The following PPIL4 variants were observed in gnomAD, a reference collection of about 807,000 sequenced individuals.
PPIL4 encodes the protein peptidyl-prolyl cis-trans isomerase-like 4.
Under a neutral mutation model 69.1 loss-of-function variants are expected in PPIL4, and 50 were observed. That is an observed-to-expected ratio of 0.72 (90% confidence interval 0.58 to 0.92). The LOEUF (loss-of-function observed/expected upper bound fraction) is 0.92, where lower values mean the gene tolerates loss of function less well. Among genes scored for constraint, PPIL4 ranks in the 40% least tolerant of loss-of-function variants. PPIL4 has a pLI of 0.00. For synonymous variants in PPIL4, 193 were observed against 191.6 expected (o/e 1.01, Z -0.06); for missense variants, 480 against 587.9 (o/e 0.82, Z 1.90).
chr6:149,523,996 C>T (rs1777070028), intron 9 of PPIL4, among the ~76,000 whole-genome samples: 1 of 152,140 alleles, frequency 6.6e-6, no homozygotes, highest in South Asian at 2.1e-4. Flanking sequence ...CATCTTGTAT[C>T]CCTAGGCCTT....
intron 12 of PPIL4, among the ~76,000 whole-genome samples, chr6:149,510,878 T>C (rs1453321564): frequency 6.6e-6 from 1 of 151,704 alleles, no homozygotes; most frequent in Non-Finnish European, 1.5e-5. Flanking sequence ...GTAGTAACAA[T>C]AATAACCAGT....
intron 1 of PPIL4, 102 bp from the exon 2 acceptor site, chr6:149,541,688 A>G: frequency 1.5e-6 from 1 of 645,736 alleles, no homozygotes; most frequent in Non-Finnish European, 2.7e-6. Flanking sequence ...CTATTAAAAG[A>G]AAAAAAAAGT....
intron 7 of PPIL4, among the ~76,000 whole-genome samples, chr6:149,529,362 G>T (rs1777155903): frequency 6.6e-6 from 1 of 152,042 alleles, no homozygotes; most frequent in Admixed American, 6.6e-5. Flanking sequence ...TGAGGCTGAG[G>T]TAGGAGGATT....
intron 12 of PPIL4, among the ~76,000 whole-genome samples, chr6:149,508,690 A>T (rs1256295404): frequency 6.6e-6 from 1 of 152,220 alleles, no homozygotes; most frequent in African/African-American, 2.4e-5. Flanking sequence ...AATACTTCTC[A>T]GCAAGGCAAC....
chr6:149,511,688 C>G (rs1776845647), intron 12 of PPIL4, among the ~76,000 whole-genome samples: 1 of 151,998 alleles, frequency 6.6e-6, no homozygotes, highest in African/African-American at 2.4e-5. Flanking sequence ...ATGTGCTGTT[C>G]AGGAGAGCTT....
At position 149,526,634 on chromosome 6, in the gene PPIL4, A is replaced by T; in HGVS notation, c.803+18T>A. On this transcript the variant is annotated intron_variant, in intron 8 of 12. Coordinates refer to ENST00000253329, the MANE Select transcript of PPIL4 (RefSeq NM_139126.4). ...CCTAGTTTTTCTAAATATCTCTTTCACTAATTCTAAGGATTACCTTCTTAT... is the reference window on the plus strand; with the variant it reads ...CCTAGTTTTTCTAAATATCTCTTTCTCTAATTCTAAGGATTACCTTCTTAT... The T allele has an allele frequency of 6.3e-7, 1 of 1,591,902 alleles. No homozygotes were observed. The highest frequency in any genetic ancestry group is 1.1e-5 in the South Asian group (1 of 87,906).
At chr6:149,531,477 A>G (rs1375387791) in intron 7 of PPIL4, among the ~76,000 whole-genome samples, 2 of 150,796 alleles carry the variant, frequency 1.3e-5, no homozygotes, top group African/African-American at 4.9e-5. Context: ...TGGAGGTTGC[A>G]GTGAGCCGAG....
At chr6:149,538,849 C>T (rs1283086026) in intron 4 of PPIL4, among the ~76,000 whole-genome samples, 1 of 151,694 alleles carries the variant, frequency 6.6e-6, no homozygotes, top group East Asian at 1.9e-4. Context: ...TGGTTTTCTT[C>T]CTTTTTTTTT....
At chr6:149,509,087 A>C (rs1412109543) in intron 12 of PPIL4, among the ~76,000 whole-genome samples, 2 of 152,224 alleles carry the variant, frequency 1.3e-5, no homozygotes, top group Non-Finnish European at 2.9e-5. Context: ...TCATTAAATC[A>C]AAGTACAAAA....
At chr6:149,519,359 A>G (rs1776994745) in intron 10 of PPIL4, among the ~76,000 whole-genome samples, 1 of 152,212 alleles carries the variant, frequency 6.6e-6, no homozygotes, top group Non-Finnish European at 1.5e-5. Flanking sequence ...GCAGAGCTCT[A>G]CATAAGAGCC....
chr6:149,529,856 C>A lies in PPIL4; in HGVS notation c.679-3080G>T, dbSNP rs543991282. ...AAGAAAGAAAAAAGGCACAGTGGAA[C>A]CTTAAATGTATATTGCTAAGTGAAA... On this transcript the variant is annotated intron_variant, in intron 7 of 12. Transcript: ENST00000253329. Among the ~76,000 whole-genome samples, 12 of 151,044 alleles carry A rather than the reference C, an allele frequency of 7.9e-5. No homozygotes were observed. The South Asian group carries it at 2.5e-3, about 32-fold the overall frequency.
chr6:149,525,250 AG>A, intron 8 of PPIL4, 41 bp from the exon 9 acceptor site: 14 of 1,052,914 alleles, frequency 1.3e-5, no homozygotes, highest in South Asian at 4.3e-5. Flanking sequence ...AAAAAAAAAA[AG>A]GAAGAAAGCA....
Position 149,525,164 on chromosome 6 carries a change from G to A in PPIL4, c.849C>T (p.Tyr283=), listed in dbSNP as rs201890339. ...RDWKTGESLC[Y]AFIEFEKEED... The stretch of plus-strand genomic sequence containing the variant: ...ATACCTTTTCAAATTCAATAAAAGC[G>A]TAACAGAGGGACTCTCCTGTCTTCC... The change falls in exon 9 of 13, where the codon TAC becomes TAT. Residue 283 remains tyrosine (Y), a synonymous_variant. Transcript: ENST00000253329. The A allele has an allele frequency of 7.3e-5, 114 of 1,555,210 alleles. 1 individual carries two copies. In the East Asian group the frequency reaches 8.0e-4, roughly 11 times the overall value.
At chr6:149,522,499 CAT>C (rs928756737) in intron 9 of PPIL4, among the ~76,000 whole-genome samples, 1 of 152,136 alleles carries the variant, frequency 6.6e-6, no homozygotes, top group African/African-American at 2.4e-5. Flanking sequence ...AGACTCTATA[CAT>C]ATATGGATAC....
At chr6:149,544,033 T>C (rs1777404520) in intron 1 of PPIL4, among the ~76,000 whole-genome samples, 1 of 152,180 alleles carries the variant, frequency 6.6e-6, no homozygotes, top group Non-Finnish European at 1.5e-5. Flanking sequence ...TGCTTACAAA[T>C]ATGTACAGGG....
intron 9 of PPIL4, among the ~76,000 whole-genome samples, chr6:149,522,890 C>A (rs9485399): frequency 6.6e-6 from 1 of 152,156 alleles, no homozygotes; most frequent in Admixed American, 6.5e-5. Flanking sequence ...GGATTACAGG[C>A]GTGAGCCACC....
rs772903014 is a variant in PPIL4 at position 149,545,908 on chromosome 6, C to T, written c.70+28G>A. 15 of 1,563,110 alleles carry T rather than the reference C, an allele frequency of 9.6e-6. No individual in the cohort carries two copies. The South Asian group carries it at 1.2e-4, about 12-fold the overall frequency. On this transcript the variant is annotated intron_variant, in intron 1 of 12. Transcript: ENST00000253329. ...AGGGAGACAAGCTCGGGGGCCCCGG[C>T]GACAGGTGAGTGGGGCTCAAGCCTC...
intron 4 of PPIL4, among the ~76,000 whole-genome samples, chr6:149,538,473 T>TA (rs961320026): frequency 5.6e-4 from 85 of 151,224 alleles, no homozygotes; most frequent in African/African-American, 1.5e-3. Flanking sequence ...AAATAAAAAT[T>TA]AAAAAAAAAT....
At chr6:149,515,894 T>A (rs1405760836) in intron 11 of PPIL4, among the ~76,000 whole-genome samples, 1 of 152,202 alleles carries the variant, frequency 6.6e-6, no homozygotes, top group Non-Finnish European at 1.5e-5. Flanking sequence ...TGATTCTTCT[T>A]ATTAATAATC....
Sources: allele counts gnomAD v4.1 joint callset (sites outside exome capture counted in the v4.1 genomes callset), GRCh38; gene constraint gnomAD v4.1.1; transcripts MANE v1.5; gene names NCBI Gene and HGNC (gene_info 2026-07-23, HGNC 2026-07-21).